Variants in AOX1 observed in about 807,000 individuals in gnomAD.
AOX1 encodes the protein aldehyde oxidase 1, also known as aldehyde oxidase.
In AOX1, 153 loss-of-function variants were observed where a neutral mutation model predicts 169.5. The ratio of observed to expected loss-of-function variants is 0.90; its 90% CI spans 0.79 to 1.03. The LOEUF is 1.03. AOX1 is among the 50% of genes least tolerant of loss of function. The pLI, the probability that AOX1 is intolerant of heterozygous loss-of-function variation, is 0.00. For synonymous variants in AOX1, 562 were observed against 581.9 expected (o/e 0.97, Z 0.49); for missense variants, 1,656 against 1,663.9 (o/e 1.00, Z 0.08).
chr2:200,604,188 T>A, intron 8 of AOX1, 91 bp downstream of exon 8: 1 of 951,504 alleles, frequency 1.1e-6, no homozygotes, highest in Middle Eastern at 2.1e-4. Context: ...AAAAGCTGAT[T>A]GGCAAATAGG....
chr2:200,659,427 C>T (rs916972783), intron 28 of AOX1, 134 bp downstream of exon 28: 5 of 952,442 alleles, frequency 5.2e-6, no homozygotes, highest in South Asian at 3.4e-5. Flanking sequence ...GTCAGTGGTA[C>T]AGCACCCAGT....
At chr2:200,659,128 C>A in intron 27 of AOX1, 37 bp from the exon 28 acceptor site, 1 of 1,606,952 alleles carries the variant, frequency 6.2e-7, no homozygotes, top group South Asian at 1.1e-5. Context: ...TGTGACTAAT[C>A]AAAGTGTTTA....
chr2:200,606,891 A>G (rs1271975862), intron 10 of AOX1, among the ~76,000 whole-genome samples: 1 of 152,152 alleles, frequency 6.6e-6, no homozygotes, highest in African/African-American at 2.4e-5. Flanking sequence ...GGCTGAGACG[A>G]TGGGGTTTTC....
chr2:200,634,946 G>A (rs569604732), intron 21 of AOX1, 31 bp downstream of exon 21: 2 of 1,606,788 alleles, frequency 1.2e-6, no homozygotes, highest in Non-Finnish European at 1.7e-6. Flanking sequence ...AGAGGACATG[G>A]CTAAATGATT....
In AOX1 at chr2:200,656,819, C is replaced by T. The variant is rs1363935830; in HGVS notation, c.3076-23C>T. The T allele has an allele frequency of 4.8e-6, 7 of 1,458,448 alleles. No homozygotes were observed. The Admixed American group carries it at 1.1e-4, about 23-fold the overall frequency. 90.3% of individuals were successfully genotyped at this position (1,458,448 alleles called of 1,614,324 possible). A position where few individuals can be genotyped will look rare whatever the true frequency, so the allele number is the denominator to read the frequency against. ...GATAATATCAAAAAGATCACAGAAA[C>T]AGTTTTCGTCTTTTCTGCTCAGGCT... On this transcript the variant is annotated intron_variant, in intron 26 of 34. Transcript: ENST00000374700.
rs137928539 is a variant in AOX1 at position 200,629,921 on chromosome 2, G to A, written c.2221+2472G>A. Among the ~76,000 whole-genome samples, 539 of 152,038 alleles carry A rather than the reference G, an allele frequency of 3.5e-3. 8 individuals are homozygous for A. Among genetic ancestry groups the A allele is most frequent in the African/African-American group, 0.012 (514 of 41,476 alleles). On this transcript the variant is annotated intron_variant, in intron 20 of 34. Coordinates refer to ENST00000374700, the MANE Select transcript of AOX1 (RefSeq NM_001159.4). The stretch of plus-strand genomic sequence containing the variant: ...CCATTGATAAGTATAAAAATGATAC[G>A]GGAATATTAAAAAGGACATTTATAC...
rs375342928 is a variant in AOX1 at position 200,612,589 on chromosome 2, C to T, written c.1264-20C>T. 2 of 1,610,658 alleles carry T rather than the reference C, an allele frequency of 1.2e-6. No individual in the cohort carries two copies. Among genetic ancestry groups the T allele is most frequent in the Non-Finnish European group, 1.7e-6 (2 of 1,178,654 alleles). On this transcript the variant is annotated intron_variant, in intron 13 of 34. Coordinates refer to ENST00000374700, the MANE Select transcript of AOX1 (RefSeq NM_001159.4). ...TGATGCTCAGTGTTTCTACATGTGC[C>T]ACTTAACTGTTTCTTTCAGTGGGAA...
At chr2:200,679,297 C>G (rs539563084), downstream of AOX1, 1 of 152,172 alleles carries the variant, frequency 6.6e-6, no homozygotes, top group East Asian at 1.9e-4. Context: ...TTTGGCTTTA[C>G]TGTGTAAACT....
chr2:200,623,834 G>T, intron 18 of AOX1, 27 bp from the exon 19 acceptor site: 1 of 1,612,786 alleles, frequency 6.2e-7, no homozygotes, highest in South Asian at 1.1e-5. Context: ...TGCCCTCCTT[G>T]ACAACAAAGG....
intron 28 of AOX1, 73 bp from the exon 29 acceptor site, chr2:200,659,922 C>A: frequency 8.7e-7 from 1 of 1,148,466 alleles, no homozygotes; most frequent in Non-Finnish European, 1.3e-6. Context: ...TGGAATGGTA[C>A]ATATTATGTT....
Position 200,604,860 on chromosome 2 carries a change from T to G in AOX1, c.814+20T>G, listed in dbSNP as rs747283921. ...CTGTGGGTATGTAGAACCCCAGGGA[T>G]TTTTTATAGGGAAATTGAGAAAAAG... On this transcript the variant is annotated intron_variant, in intron 9 of 34. Transcript: ENST00000374700. The G allele has an allele frequency of 6.2e-7, 1 of 1,611,494 alleles. No homozygotes were observed. The highest frequency in any genetic ancestry group is 1.1e-5 in the South Asian group (1 of 90,832).
chr2:200,621,600 A>G (rs548131457), intron 18 of AOX1, among the ~76,000 whole-genome samples: 5 of 152,056 alleles, frequency 3.3e-5, no homozygotes, highest in Non-Finnish European at 7.4e-5. Flanking sequence ...AGTGTGGTCA[A>G]AGTTCAACTA....
At chr2:200,612,930 A>G (rs1409534572) in intron 14 of AOX1, 137 bp downstream of exon 14, 2 of 688,896 alleles carry the variant, frequency 2.9e-6, no homozygotes, top group Non-Finnish European at 4.8e-6. Flanking sequence ...GGGAATTCCA[A>G]TAAGATTTTG....
At chr2:200,635,023 G>T in intron 21 of AOX1, 108 bp downstream of exon 21, 1 of 1,412,962 alleles carries the variant, frequency 7.1e-7, no homozygotes. Flanking sequence ...GAGGTGGGGG[G>T]ATTGCTTGAA....
At chr2:200,663,761 A>C (rs546772512) in intron 31 of AOX1, among the ~76,000 whole-genome samples, 20 of 152,256 alleles carry the variant, frequency 1.3e-4, no homozygotes, top group Admixed American at 1.1e-3. Context: ...TCATGTGACC[A>C]AGCTACCAGT....
intron 26 of AOX1, among the ~76,000 whole-genome samples, chr2:200,654,824 A>C (rs1472851246): frequency 6.6e-6 from 1 of 152,232 alleles, no homozygotes; most frequent in Non-Finnish European, 1.5e-5. Context: ...GAAGCTTTGC[A>C]GAATTATCTT....
downstream of AOX1, among the ~76,000 whole-genome samples, chr2:200,675,804 G>A (rs1238545487): frequency 6.6e-6 from 1 of 151,930 alleles, no homozygotes; most frequent in African/African-American, 2.4e-5. Flanking sequence ...CCCCAAGGGA[G>A]ATACTGTTAT....
chr2:200,618,671 T>C (rs955413547), intron 16 of AOX1, among the ~76,000 whole-genome samples: 2 of 152,166 alleles, frequency 1.3e-5, no homozygotes, highest in African/African-American at 4.8e-5. Context: ...TTTTTGTTTT[T>C]TTGAGGCCCT....
intron 2 of AOX1, among the ~76,000 whole-genome samples, chr2:200,594,573 G>T (rs1295294827): frequency 6.6e-6 from 1 of 152,156 alleles, no homozygotes; most frequent in Non-Finnish European, 1.5e-5. Flanking sequence ...CTGAATTCCA[G>T]CAAATAGGAA....
Sources: allele counts gnomAD v4.1 joint callset (sites outside exome capture counted in the v4.1 genomes callset), GRCh38; gene constraint gnomAD v4.1.1; transcripts MANE v1.5; gene names NCBI Gene and HGNC (gene_info 2026-07-23, HGNC 2026-07-21).